The following GABRR3 variants were observed in gnomAD, a reference collection of about 807,000 sequenced individuals.
The protein encoded by GABRR3 is gamma-aminobutyric acid receptor subunit rho-3.
A neutral mutation model predicts 43.2 loss-of-function variants in GABRR3; 29 were observed. That is an observed-to-expected ratio of 0.67 (90% CI 0.50 to 0.92). GABRR3 has a LOEUF of 0.92. GABRR3 is among the 40% of genes least tolerant of loss of function. GABRR3 has a pLI of 0.00. For synonymous variants in GABRR3, 206 were observed against 195.9 expected (o/e 1.05, Z -0.43); for missense variants, 576 against 572.3 (o/e 1.01, Z -0.07).
intron 7 of GABRR3, among the ~76,000 whole-genome samples, chr3:98,004,226 T>C (rs1306375686): frequency 1.3e-5 from 2 of 152,192 alleles, no homozygotes; most frequent in African/African-American, 4.8e-5. Flanking sequence ...AATAGGGTGA[T>C]GATGACAGCT....
At chr3:97,997,670 G>A (rs1372709422) in intron 8 of GABRR3, 3 of 152,080 alleles carry the variant, frequency 2.0e-5, no homozygotes, top group Non-Finnish European at 4.4e-5. Flanking sequence ...CACTATGGTG[G>A]GTCATTGTGG....
In GABRR3 at chr3:98,003,511, T is replaced by C. The variant is rs187371018; in HGVS notation, c.755-1744A>G. On this transcript the variant is annotated intron_variant, in intron 7 of 9. Transcript: ENST00000621172. ...GTGGTTTTAGACTAGGGGTGGTATT[T>C]TAGTTGAACCTGCAGGTCATGGGGA... 2.0e-3 allele frequency among the ~76,000 whole-genome samples: 308 copies of C among 151,882 alleles called. 3 individuals are homozygous for C. The highest frequency in any genetic ancestry group is 4.6e-3 in the East Asian group (24 of 5,170).
intron 5 of GABRR3, among the ~76,000 whole-genome samples, chr3:98,010,302 T>C (rs1329337734): frequency 6.6e-6 from 1 of 152,216 alleles, no homozygotes; most frequent in East Asian, 1.9e-4. Flanking sequence ...GTTATGTGGA[T>C]GGCGCTTAAT....
chr3:97,995,307 T>C (rs1706521732), intron 8 of GABRR3, among the ~76,000 whole-genome samples: 3 of 152,164 alleles, frequency 2.0e-5, no homozygotes, highest in Admixed American at 6.5e-5. Flanking sequence ...TCTTATTGGT[T>C]TTTTAAGATA....
chr3:98,012,753 A>T lies in GABRR3; in HGVS notation c.307-186T>A, dbSNP rs978371485. Among the ~76,000 whole-genome samples, 8 of 152,182 alleles carry T rather than the reference A, an allele frequency of 5.3e-5. No homozygotes were observed. In the East Asian group the frequency reaches 1.5e-3, roughly 29 times the overall value. On this transcript the variant is annotated intron_variant, in intron 4 of 9. Coordinates refer to ENST00000621172, the Ensembl canonical transcript of GABRR3. ...GTTATGCTTTGAGCTTCTCCTTCAC[A>T]TGGAGCCTAGTGAACGTTGAGAATT...
chr3:98,024,700 A>G (rs1706990585), intron 3 of GABRR3, among the ~76,000 whole-genome samples: 1 of 152,148 alleles, frequency 6.6e-6, no homozygotes, highest in African/African-American at 2.4e-5. Flanking sequence ...AGGATTCTCA[A>G]AAGTTGTCAG....
At chr3:98,011,108 C>T (rs990631336) in intron 5 of GABRR3, among the ~76,000 whole-genome samples, 3 of 151,808 alleles carry the variant, frequency 2.0e-5, no homozygotes, top group Non-Finnish European at 4.4e-5. Flanking sequence ...CCTCCCCCAA[C>T]CCCCCCAAAA....
chr3:97,999,427 G>C (rs981912817), intron 8 of GABRR3: 2 of 152,086 alleles, frequency 1.3e-5, no homozygotes, highest in African/African-American at 4.8e-5. Flanking sequence ...CTGAACGCTT[G>C]TAGTATCTGA....
intron 6 of GABRR3, 157 bp downstream of exon 6, chr3:98,008,798 CA>C (rs57502092): frequency 0.016 from 1,870 of 113,820 alleles, 24 homozygotes; most frequent in African/African-American, 0.054. Context: ...AAACAGAAAC[CA>C]AAAAAAAAAA....
At chr3:97,990,191 T>TA (rs1706444523) in intron 9 of GABRR3, among the ~76,000 whole-genome samples, 2 of 152,236 alleles carry the variant, frequency 1.3e-5, no homozygotes, top group South Asian at 4.1e-4. Context: ...GCAAAGTTTT[T>TA]ACGCCCTTTT....
intron 3 of GABRR3, among the ~76,000 whole-genome samples, chr3:98,024,238 A>G (rs1157058666): frequency 2.0e-5 from 3 of 152,082 alleles, no homozygotes; most frequent in Non-Finnish European, 4.4e-5. Flanking sequence ...ACGTGCCTGT[A>G]ATCCCAGCTA....
intron 8 of GABRR3, chr3:97,997,762 T>G (rs994402390): frequency 4.6e-5 from 7 of 152,332 alleles, no homozygotes; most frequent in African/African-American, 1.7e-4. Context: ...AAAACCATGA[T>G]GGTCACCACC....
At chr3:98,029,789 G>A (rs114602619) in intron 2 of GABRR3, among the ~76,000 whole-genome samples, 4 of 152,022 alleles carry the variant, frequency 2.6e-5, no homozygotes, top group Non-Finnish European at 4.4e-5. Context: ...ATTAGCAAAA[G>A]ACAAAAAATA....
At chr3:98,034,809 A>G (rs1707130571) in intron 2 of GABRR3, 54 bp downstream of exon 2, 1 of 1,603,314 alleles carries the variant, frequency 6.2e-7, no homozygotes, top group Non-Finnish European at 8.5e-7. Context: ...GTCTGAGACA[A>G]CTGTTGAGAG....
chr3:97,985,435 C>A (rs1024477119), downstream of GABRR3, among the ~76,000 whole-genome samples: 4 of 152,206 alleles, frequency 2.6e-5, no homozygotes, highest in Non-Finnish European at 5.9e-5. Flanking sequence ...AATTGAGAGT[C>A]CACATCCCTT....
At chr3:98,003,836 A>AT (rs1209628027) in intron 7 of GABRR3, among the ~76,000 whole-genome samples, 6 of 152,010 alleles carry the variant, frequency 3.9e-5, no homozygotes, top group Admixed American at 3.3e-4. Context: ...TTCTCAAGCC[A>AT]TTTTTCATTT....
intron 7 of GABRR3, among the ~76,000 whole-genome samples, chr3:98,004,765 G>T (rs1471701048): frequency 6.6e-6 from 1 of 151,916 alleles, no homozygotes; most frequent in Non-Finnish European, 1.5e-5. Flanking sequence ...GCCAGAGTCA[G>T]ATGTATAGTT....
chr3:98,027,750 A>G (rs919825178), intron 2 of GABRR3, among the ~76,000 whole-genome samples: 1 of 152,208 alleles, frequency 6.6e-6, no homozygotes, highest in African/African-American at 2.4e-5. Flanking sequence ...GAAAATCTAT[A>G]TATTCCCCTC....
intron 4 of GABRR3, among the ~76,000 whole-genome samples, chr3:98,016,504 T>C (rs1220588209): frequency 2.0e-5 from 3 of 152,076 alleles, no homozygotes; most frequent in Non-Finnish European, 2.9e-5. Flanking sequence ...TGCAGAACCA[T>C]GGGCCAAGCA....
Sources: allele counts gnomAD v4.1 joint callset (sites outside exome capture counted in the v4.1 genomes callset), GRCh38; gene constraint gnomAD v4.1.1; transcripts MANE v1.5; gene names NCBI Gene and HGNC (gene_info 2026-07-23, HGNC 2026-07-21).